Variants in PTPRN2 observed in about 807,000 individuals in gnomAD.
PTPRN2 encodes the protein protein tyrosine phosphatase receptor type N2.
PTPRN2 carries 74 observed loss-of-function variants against 118.8 expected under a neutral mutation model. The ratio of observed to expected loss-of-function variants is 0.62; its 90% CI spans 0.52 to 0.76. The LOEUF is 0.76. Ranked by LOEUF, PTPRN2 falls within the 30% of genes least tolerant of loss-of-function variation. The pLI, the probability that PTPRN2 is intolerant of heterozygous loss-of-function variation, is 0.00. For synonymous variants in PTPRN2, 641 were observed against 608.0 expected (o/e 1.05, Z -0.80); for missense variants, 1,481 against 1,394.4 (o/e 1.06, Z -0.99).
rs576568860 is a variant in PTPRN2, at chr7:157,585,448, C to T, written c.2497-7308G>A. 3.9e-5 allele frequency among the ~76,000 whole-genome samples: 6 copies of T among 152,294 alleles called. No homozygotes were observed. The highest frequency in any genetic ancestry group is 3.9e-4 in the East Asian group (2 of 5,178). The stretch of plus-strand genomic sequence containing the variant: ...GTGTGGCTTGGTGTGGCCATCCTGC[C>T]GCATAGGGGTTCCCACGGTGGGAAT... On this transcript the variant is annotated intron_variant, in intron 17 of 22. Transcript: ENST00000389418. The surrounding 1 kb of genome is among the most constrained non-coding windows in gnomAD (Gnocchi z 5.2).
intron 2 of PTPRN2, among the ~76,000 whole-genome samples, chr7:158,401,757 C>T (rs370117275): frequency 1.3e-5 from 2 of 152,150 alleles, no homozygotes; most frequent in Admixed American, 6.6e-5. Flanking sequence ...AACAAAAGGA[C>T]GAATGGCTGG....
intron 11 of PTPRN2, among the ~76,000 whole-genome samples, chr7:158,063,418 CAGACCAATCAGCTCTCTGTAAAAT>C (rs975369522): frequency 4.6e-5 from 7 of 152,150 alleles, no homozygotes; most frequent in African/African-American, 7.2e-5. Context: ...CTCTGTAAAA[CAGACCAATCAGCTCTCTGTAAAAT>C]AGACCAATCA....
At position 158,193,896 on chromosome 7, in the gene PTPRN2, GCT is replaced by G. The variant is rs1343523429; in HGVS notation, c.381-1403_381-1402del. On this transcript the variant is annotated intron_variant, in intron 4 of 22. Coordinates refer to ENST00000389418, the MANE Select transcript of PTPRN2 (RefSeq NM_002847.5). ...CACCCCACCTCCACATTCCAGCAAGGCTCTGTCTCAAAAAAAAAAAAAAAAAA... is the reference window on the plus strand; with the variant it reads ...CACCCCACCTCCACATTCCAGCAAGGCTGTCTCAAAAAAAAAAAAAAAAAA... Among the ~76,000 whole-genome samples, 3 of 129,026 alleles carry G rather than the reference GCT, an allele frequency of 2.3e-5. No individual in the cohort carries two copies. In the East Asian group the frequency reaches 6.7e-4, roughly 29 times the overall value. 84.6% of individuals were successfully genotyped at this position (129,026 alleles called of 152,430 possible). A position where few individuals can be genotyped will look rare whatever the true frequency, so the allele number is the denominator to read the frequency against.
At chr7:158,429,413 C>T (rs184598549) in intron 2 of PTPRN2, among the ~76,000 whole-genome samples, 307 of 152,340 alleles carry the variant, frequency 2.0e-3, no homozygotes, top group Non-Finnish European at 3.6e-3. Flanking sequence ...AGGACCTTCC[C>T]GCCATCAGGC....
intron 3 of PTPRN2, among the ~76,000 whole-genome samples, chr7:158,251,176 A>T (rs12669724): frequency 0.58 from 87,748 of 151,798 alleles, 25,787 homozygotes; most frequent in Non-Finnish European, 0.64. Context: ...TAATGTGCTC[A>T]TCTTCAGGAG....
intron 11 of PTPRN2, among the ~76,000 whole-genome samples, chr7:158,071,583 C>CTCGTGATGATGGAGTTGCTCCTGG (rs1563392166): frequency 9.4e-5 from 1 of 10,648 alleles, no homozygotes; most frequent in Admixed American, 1.1e-3. Context: ...GGAGGTGCTC[C>CTCGTGATGATGGAGTTGCTCCTGG]TGGTGGAGGT....
At chr7:158,164,106 C>G (rs555999183) in intron 6 of PTPRN2, among the ~76,000 whole-genome samples, 1 of 151,488 alleles carries the variant, frequency 6.6e-6, no homozygotes, top group Non-Finnish European at 1.5e-5. Flanking sequence ...GGAGAGAGCA[C>G]GGTCAGGACG....
chr7:158,209,127 A>G (rs1301908836), intron 3 of PTPRN2, among the ~76,000 whole-genome samples: 1 of 152,182 alleles, frequency 6.6e-6, no homozygotes, highest in African/African-American at 2.4e-5. Flanking sequence ...AAAAAAAGTA[A>G]GGAAAGAAAT....
intron 1 of PTPRN2, chr7:158,537,582 A>C (rs1825722901): frequency 6.6e-6 from 1 of 152,620 alleles, no homozygotes; most frequent in South Asian, 2.1e-4. Flanking sequence ...CCACTCAGCC[A>C]GAGAAGACCA....
chr7:158,443,282 G>A (rs2129435493), intron 2 of PTPRN2, among the ~76,000 whole-genome samples: 1 of 152,334 alleles, frequency 6.6e-6, no homozygotes, highest in Non-Finnish European at 1.5e-5. Flanking sequence ...GCCAGGCATG[G>A]CTTCTCCCCG....
chr7:157,808,254 G>A lies in PTPRN2; in HGVS notation c.1788+90419C>T, dbSNP rs370765582. On this transcript the variant is annotated intron_variant, in intron 12 of 22. Coordinates refer to ENST00000389418, the MANE Select transcript of PTPRN2 (RefSeq NM_002847.5). The surrounding 1 kb of genome is among the most constrained non-coding windows in gnomAD (Gnocchi z 5.0). The stretch of plus-strand genomic sequence containing the variant: ...GAGCAGGTGAGTGGCAGGTAGGTGA[G>A]TGGGTGAGTGGCGGGAGAGTGAGCT... 1.3e-4 allele frequency among the ~76,000 whole-genome samples: 20 copies of A among 152,244 alleles called. No individual in the cohort carries two copies. The highest frequency in any genetic ancestry group is 7.7e-4 in the East Asian group (4 of 5,188).
chr7:158,404,271 G>A (rs980802586), intron 2 of PTPRN2, among the ~76,000 whole-genome samples: 10 of 152,220 alleles, frequency 6.6e-5, no homozygotes, highest in African/African-American at 2.4e-4. Flanking sequence ...TCACACGTGG[G>A]AAGACGTCAG....
chr7:157,995,374 C>T (rs1378514881), intron 11 of PTPRN2, among the ~76,000 whole-genome samples: 2 of 152,238 alleles, frequency 1.3e-5, no homozygotes, highest in Non-Finnish European at 2.9e-5. Context: ...AACACTGTGT[C>T]CCCAGCTTAC....
intron 11 of PTPRN2, among the ~76,000 whole-genome samples, chr7:157,934,497 T>A (rs988177665): frequency 2.0e-5 from 3 of 152,198 alleles, no homozygotes; most frequent in African/African-American, 7.2e-5. Flanking sequence ...TCGATAGCAT[T>A]TGCACATTTG....
At chr7:158,494,741 G>A (rs1821705373) in intron 1 of PTPRN2, among the ~76,000 whole-genome samples, 1 of 152,204 alleles carries the variant, frequency 6.6e-6, no homozygotes, top group African/African-American at 2.4e-5. Flanking sequence ...CCGTGGCTGT[G>A]CAAACATGGA....
At chr7:157,844,636 G>C (rs1808670016) in intron 12 of PTPRN2, among the ~76,000 whole-genome samples, 1 of 152,122 alleles carries the variant, frequency 6.6e-6, no homozygotes, top group Non-Finnish European at 1.5e-5. Context: ...TGGTGATGAG[G>C]GCACACTGCT....
chr7:157,630,163 C>T (rs1022624497), intron 14 of PTPRN2, among the ~76,000 whole-genome samples: 2 of 152,242 alleles, frequency 1.3e-5, no homozygotes, highest in Admixed American at 6.5e-5. Context: ...ATGGGGGCTT[C>T]GGGAGCAGCA....
chr7:158,151,323 TATTC>T (rs2150530210), intron 6 of PTPRN2, among the ~76,000 whole-genome samples: 1 of 80,364 alleles, frequency 1.2e-5, no homozygotes, highest in Admixed American at 1.3e-4. Flanking sequence ...GCCCACCTTC[TATTC>T]CTGCCTCTCC....
chr7:157,639,117 A>C (rs982594419), intron 14 of PTPRN2, among the ~76,000 whole-genome samples: 3 of 149,654 alleles, frequency 2.0e-5, no homozygotes, highest in Non-Finnish European at 3.0e-5. Flanking sequence ...GCTCACTGCA[A>C]CCTCTGCCTC....
Sources: gnomAD v4.1 joint callset for allele counts (sites outside exome capture counted in the v4.1 genomes callset) on GRCh38, gnomAD v4.1.1 for gene constraint, Gnocchi (gnomAD v3.1) non-coding constraint, MANE v1.5 for transcripts, NCBI Gene and HGNC (gene_info 2026-07-23, HGNC 2026-07-21) for gene names.